The following FUT9 variants were observed in gnomAD, a reference collection of about 807,000 sequenced individuals.
FUT9 encodes 4-galactosyl-N-acetylglucosaminide 3-alpha-L-fucosyltransferase 9.
A neutral mutation model predicts 29.7 loss-of-function variants in FUT9; 15 were observed. The observed-to-expected ratio is 0.51, with a 90% CI of 0.34 to 0.78. The LOEUF (loss-of-function observed/expected upper bound fraction) is 0.78. Ranked by LOEUF, FUT9 falls within the 30% of genes least tolerant of loss-of-function variation. The pLI is 0.01. For missense variants in FUT9, 319 were observed against 425.4 expected, an observed-to-expected ratio of 0.75 and a Z score of 2.20; for synonymous variants, 169 against 153.7, an observed-to-expected ratio of 1.10 and a Z score of -0.74.
chr6:96,160,232 A>G (rs1772871092), intron 2 of FUT9, among the ~76,000 whole-genome samples: 1 of 152,172 alleles, frequency 6.6e-6, no homozygotes, highest in Admixed American at 6.6e-5. Context: ...ATCTGTGCCA[A>G]TGATGGTATT....
At chr6:96,202,218 TA>T (rs896502924) in intron 2 of FUT9, among the ~76,000 whole-genome samples, 98 of 150,972 alleles carry the variant, frequency 6.5e-4, no homozygotes, top group African/African-American at 1.9e-3. Flanking sequence ...CTTTTTTCTT[TA>T]AAAAAAAAGC....
chr6:96,168,766 T>C (rs1280047775), intron 2 of FUT9, among the ~76,000 whole-genome samples: 1 of 152,176 alleles, frequency 6.6e-6, no homozygotes, highest in Non-Finnish European at 1.5e-5. Context: ...TTTGATGACT[T>C]ATTTTAAGAT....
At chr6:96,113,535 G>T (rs569329831) in intron 1 of FUT9, among the ~76,000 whole-genome samples, 2 of 148,078 alleles carry the variant, frequency 1.4e-5, no homozygotes, top group Non-Finnish European at 3.0e-5. Context: ...CATTGCGCCC[G>T]ACCATCAATA....
intron 1 of FUT9, among the ~76,000 whole-genome samples, chr6:96,063,585 G>A (rs1770913453): frequency 6.6e-6 from 1 of 152,158 alleles, no homozygotes; most frequent in Non-Finnish European, 1.5e-5. Flanking sequence ...TTCAACATGA[G>A]ATTTAGGCAC....
chr6:96,199,839 A>C (rs1773696132), intron 2 of FUT9, among the ~76,000 whole-genome samples: 1 of 152,292 alleles, frequency 6.6e-6, no homozygotes, highest in Non-Finnish European at 1.5e-5. Flanking sequence ...CCATTTATTC[A>C]TATGAGACAT....
chr6:96,129,292 A>AC (rs1772196406), intron 2 of FUT9, among the ~76,000 whole-genome samples: 1 of 5,460 alleles, frequency 1.8e-4, no homozygotes, highest in Non-Finnish European at 1.3e-3. Flanking sequence ...AAAAAAAAAA[A>AC]CAAACAACCA....
At chr6:96,103,749 C>A (rs1771629524) in intron 1 of FUT9, among the ~76,000 whole-genome samples, 1 of 152,170 alleles carries the variant, frequency 6.6e-6, no homozygotes, top group South Asian at 2.1e-4. Context: ...TGATTTTCAT[C>A]TTTTTCTTTC....
At chr6:96,068,198 C>T (rs1031654504) in intron 1 of FUT9, among the ~76,000 whole-genome samples, 2 of 152,010 alleles carry the variant, frequency 1.3e-5, no homozygotes, top group Non-Finnish European at 2.9e-5. Context: ...TGGAAATCAA[C>T]CATGTACAGG....
intron 1 of FUT9, among the ~76,000 whole-genome samples, chr6:96,024,544 A>G (rs1770130124): frequency 6.6e-6 from 1 of 151,746 alleles, no homozygotes; most frequent in African/African-American, 2.4e-5. Flanking sequence ...CTCAGTAGCC[A>G]CAGATACATT....
In FUT9 at chr6:96,193,536, G is replaced by T. The variant is rs76524799; in HGVS notation, c.-8-9612G>T. Among the ~76,000 whole-genome samples the T allele has an allele frequency of 1.5e-3, 219 of 146,564 alleles. 4 individuals are homozygous for T. The East Asian group carries it at 0.039, about 26-fold the overall frequency. Reference sequence around the variant, plus strand: ...TCACACCAGTTAGAATGGCAATCATGAAAAAATCAGGAAACAACAAGTGCT... The same window carrying T: ...TCACACCAGTTAGAATGGCAATCATTAAAAAATCAGGAAACAACAAGTGCT... On this transcript the variant is annotated intron_variant, in intron 2 of 2. Transcript: ENST00000302103.
At chr6:96,028,290 A>T (rs143955273) in intron 1 of FUT9, among the ~76,000 whole-genome samples, 12 of 151,788 alleles carry the variant, frequency 7.9e-5, no homozygotes, top group Non-Finnish European at 1.2e-4. Flanking sequence ...ACCAGATATA[A>T]CTGGGTTCAA....
At chr6:96,164,830 T>A (rs561092636) in intron 2 of FUT9, among the ~76,000 whole-genome samples, 3 of 152,338 alleles carry the variant, frequency 2.0e-5, no homozygotes, top group South Asian at 2.1e-4. Flanking sequence ...TTTCCAAAAC[T>A]ATGTAAAGTT....
At chr6:96,155,386 G>C (rs555698243) in intron 2 of FUT9, among the ~76,000 whole-genome samples, 22 of 152,256 alleles carry the variant, frequency 1.4e-4, no homozygotes, top group African/African-American at 4.3e-4. Context: ...TTAAAGAAGT[G>C]ATTAGGTTAA....
At chr6:96,103,398 AAGTTAAATCT>A (rs1771621726) in intron 1 of FUT9, among the ~76,000 whole-genome samples, 1 of 152,292 alleles carries the variant, frequency 6.6e-6, no homozygotes, top group Middle Eastern at 3.4e-3. Context: ...ACCCAAATTA[AAGTTAAATCT>A]ATGAGGAGTG....
chr6:96,096,706 G>GTGTGTGTGTGTGTA (rs1186286284), intron 1 of FUT9, among the ~76,000 whole-genome samples: 60 of 151,678 alleles, frequency 4.0e-4, no homozygotes, highest in Admixed American at 2.6e-4. Flanking sequence ...GTGTGTGTGT[G>GTGTGTGTGTGTGTA]TCTTATTCTT....
intron 1 of FUT9, among the ~76,000 whole-genome samples, chr6:96,098,278 A>G (rs986950465): frequency 2.0e-5 from 3 of 152,146 alleles, no homozygotes; most frequent in Middle Eastern, 3.4e-3. Flanking sequence ...CTGACACTCA[A>G]TGTTCTTGAT....
At position 96,085,737 on chromosome 6, in the gene FUT9, C is replaced by T. The variant is rs535417983; in HGVS notation, c.-97-28302C>T. Among the ~76,000 whole-genome samples the T allele has an allele frequency of 6.6e-5, 10 of 152,186 alleles. No individual in the cohort carries two copies. The East Asian group carries it at 1.5e-3, about 24-fold the overall frequency. On this transcript the variant is annotated intron_variant, in intron 1 of 2. Transcript: ENST00000302103. ...AGGGTCAAATGCAAACACTCAATGC[C>T]CTGGAAATATAGAGTTTTTCAGCAT...
chr6:96,080,245 CATA>C (rs1327158236), intron 1 of FUT9, among the ~76,000 whole-genome samples: 1 of 151,474 alleles, frequency 6.6e-6, no homozygotes, highest in Non-Finnish European at 1.5e-5. Context: ...GAAAGAATGA[CATA>C]ATAATTTTTT....
chr6:96,078,408 CTTTTTTTTTTTTTTTTTT>C (rs71012536), intron 1 of FUT9, among the ~76,000 whole-genome samples: 17 of 44,178 alleles, frequency 3.8e-4, no homozygotes, highest in African/African-American at 1.6e-3. Context: ...TATTAGTCTT[CTTTTTTTTTTTTTTTTTT>C]TTTTTTTTTT....
Sources: allele counts gnomAD v4.1 joint callset (sites outside exome capture counted in the v4.1 genomes callset), GRCh38; gene constraint gnomAD v4.1.1; transcripts MANE v1.5; gene names NCBI Gene and HGNC (gene_info 2026-07-23, HGNC 2026-07-21).